Variants in PLEKHO2 observed in about 807,000 individuals in gnomAD.
PLEKHO2 encodes pleckstrin homology domain containing O2.
PLEKHO2 carries 20 observed loss-of-function variants against 32.7 expected under a neutral mutation model. The ratio of observed to expected loss-of-function variants is 0.61; its 90% CI spans 0.43 to 0.89. The LOEUF is 0.89. Among genes scored for constraint, PLEKHO2 ranks in the 40% least tolerant of loss-of-function variants. PLEKHO2 has a pLI of 0.00. For missense variants in PLEKHO2, 568 were observed against 621.2 expected (o/e 0.91, Z 0.91); for synonymous variants, 247 against 246.3 (o/e 1.00, Z -0.03).
At chr15:64,847,904 C>T (rs945019291) in intron 1 of PLEKHO2, among the ~76,000 whole-genome samples, 2 of 152,164 alleles carry the variant, frequency 1.3e-5, no homozygotes, top group Non-Finnish European at 2.9e-5. Flanking sequence ...AGGCAGATTG[C>T]CACTCAGCCT....
chr15:64,865,225 G>A lies in PLEKHO2; in HGVS notation c.810G>A (p.Leu270=). The change falls in exon 6 of 6, where the codon CTG becomes CTA. Residue 270 remains leucine, a synonymous_variant. Transcript: ENST00000323544. ...CCAACAGCGTCCTGCCTGACAAACTGAAGGTGAGCTGGGAGAACCCCAGCC... is the reference window on the plus strand; with the variant it reads ...CCAACAGCGTCCTGCCTGACAAACTAAAGGTGAGCTGGGAGAACCCCAGCC... The part of the protein sequence containing the change: ...QPPNSVLPDK[L]KVSWENPSPQ... 1 of 1,614,198 alleles carries A rather than the reference G, an allele frequency of 6.2e-7. No homozygotes were observed.
At chr15:64,855,877 C>T (rs912282904) in intron 3 of PLEKHO2, among the ~76,000 whole-genome samples, 4 of 152,160 alleles carry the variant, frequency 2.6e-5, no homozygotes, top group Admixed American at 6.5e-5. Flanking sequence ...CTGGTCTGGG[C>T]CTGCTGGAGG....
chr15:64,856,548 G>T (rs2084607351), intron 3 of PLEKHO2, among the ~76,000 whole-genome samples: 1 of 152,188 alleles, frequency 6.6e-6, no homozygotes. Flanking sequence ...ATCACCTTCA[G>T]AGAAGCCTGT....
intron 2 of PLEKHO2, among the ~76,000 whole-genome samples, chr15:64,853,820 T>A (rs1203743539): frequency 6.6e-6 from 1 of 152,218 alleles, no homozygotes; most frequent in Non-Finnish European, 1.5e-5. Flanking sequence ...CCTCCAGGCC[T>A]CATTCTTTCC....
In PLEKHO2 at chr15:64,859,923, C is replaced by G. The variant is rs146324018; in HGVS notation, c.309C>G (p.Thr103=). 2.5e-6 allele frequency: 4 copies of G among 1,614,152 alleles called. No homozygotes were observed. Among genetic ancestry groups the G allele is most frequent in the South Asian group, 1.1e-5 (1 of 91,080 alleles). The change falls in exon 4 of 6, where the codon ACC becomes ACG. Residue 103 remains threonine (T), a synonymous_variant. Transcript: ENST00000323544. ...KVSDIKFQAP[T]GEEKESWIKA... Reference sequence around the variant, plus strand: ...GCGACATCAAATTCCAGGCACCCACCGGGGAGGAGAAGGAATCCTGGATCA... The same window carrying G: ...GCGACATCAAATTCCAGGCACCCACGGGGGAGGAGAAGGAATCCTGGATCA...
intron 5 of PLEKHO2, 72 bp from the exon 6 acceptor site, chr15:64,864,826 TC>T (rs2084669276): frequency 2.7e-6 from 4 of 1,496,878 alleles, no homozygotes; most frequent in Non-Finnish European, 3.6e-6. Context: ...GGGTAAGAAC[TC>T]GTGTCAGTGG....
intron 3 of PLEKHO2, among the ~76,000 whole-genome samples, chr15:64,859,674 G>T (rs529311409): frequency 1.5e-3 from 233 of 152,354 alleles, no homozygotes; most frequent in African/African-American, 5.3e-3. Flanking sequence ...TTTCCACAAG[G>T]CCAGGCTGAT....
intron 1 of PLEKHO2, among the ~76,000 whole-genome samples, chr15:64,842,378 CTCTCTCTCTCTCTG>C (rs1555436431): frequency 0.064 from 1,457 of 22,668 alleles, 49 homozygotes; most frequent in African/African-American, 0.12. Context: ...GATCCTGACT[CTCTCTCTCTCTCTG>C]TGTGTGTGTG....
At chr15:64,844,527 T>C (rs1363151349) in intron 1 of PLEKHO2, among the ~76,000 whole-genome samples, 1 of 152,238 alleles carries the variant, frequency 6.6e-6, no homozygotes, top group Non-Finnish European at 1.5e-5. Flanking sequence ...GGCTCTGTCC[T>C]CTGCCAGCAG....
rs1325405844 is a variant in PLEKHO2, at chr15:64,851,845, T to C, written c.163-3076T>C. ...TTCGGGCCAGTGGCGGTCCAGTTAG[T>C]GGAGGCCTGTGGACACGGGGCAAGT... is the stretch of plus-strand genomic sequence containing the variant. On this transcript the variant is annotated intron_variant, in intron 2 of 5. Transcript: ENST00000323544. Among the ~76,000 whole-genome samples the C allele has an allele frequency of 5.3e-5, 8 of 152,032 alleles. No individual in the cohort carries two copies. The South Asian group carries it at 1.5e-3, about 28-fold the overall frequency.
At position 64,866,342 on chromosome 15, in the gene PLEKHO2, C is replaced by G; in HGVS notation, c.*454C>G. The stretch of plus-strand genomic sequence containing the variant: ...TATTCCTAGGCAAAGAGCCTCATGG[C>G]TAAGGCAGCCTCAAAGCCAGCCCCT... On this transcript the variant is annotated 3_prime_UTR_variant, in exon 6 of 6. Transcript: ENST00000323544. 2.2e-6 allele frequency: 1 copy of G among 457,512 alleles called. No individual in the cohort carries two copies. Among genetic ancestry groups the G allele is most frequent in the Non-Finnish European group, 4.4e-6 (1 of 227,838 alleles). The allele number at this position is 457,512 out of a possible 1,614,324, so 28.3% of individuals were successfully genotyped here.
At chr15:64,853,499 T>A (rs2084585721) in intron 2 of PLEKHO2, among the ~76,000 whole-genome samples, 1 of 152,014 alleles carries the variant, frequency 6.6e-6, no homozygotes, top group South Asian at 2.1e-4. Flanking sequence ...TTTCACTGTG[T>A]TGGCCAGTAT....
chr15:64,858,004 G>A (rs2084616800), intron 3 of PLEKHO2, among the ~76,000 whole-genome samples: 1 of 152,218 alleles, frequency 6.6e-6, no homozygotes, highest in Non-Finnish European at 1.5e-5. Flanking sequence ...CTCTGAGCCT[G>A]TGAATAGGAG....
intron 2 of PLEKHO2, among the ~76,000 whole-genome samples, chr15:64,851,974 C>T (rs1330987102): frequency 6.6e-6 from 1 of 152,080 alleles, no homozygotes; most frequent in Non-Finnish European, 1.5e-5. Context: ...ATAAGGCACT[C>T]AGAAAACTGG....
chr15:64,860,006 G>A lies in PLEKHO2; in HGVS notation c.384+8G>A. 1 of 1,611,540 alleles carries A rather than the reference G, an allele frequency of 6.2e-7. No homozygotes were observed. Among genetic ancestry groups the A allele is most frequent in the East Asian group, 2.2e-5 (1 of 44,868 alleles). On this transcript the variant is annotated splice_region_variant and intron_variant, in intron 4 of 5. Transcript: ENST00000323544. The stretch of plus-strand genomic sequence containing the variant: ...AACAAGGCTTTCGATGAGGTGCGAT[G>A]CAGTCTGTGGACATGGACAGCTCTG...
intron 3 of PLEKHO2, 55 bp from the exon 4 acceptor site, chr15:64,859,839 C>T (rs2084630333): frequency 6.7e-7 from 1 of 1,486,472 alleles, no homozygotes; most frequent in Non-Finnish European, 9.4e-7. Context: ...CCTTAAGATG[C>T]CAAATGTGAG....
chr15:64,848,493 GTACT>G, intron 1 of PLEKHO2, 96 bp from the exon 2 acceptor site: 1 of 1,362,034 alleles, frequency 7.3e-7, no homozygotes, highest in Non-Finnish European at 1.0e-6. Context: ...ATGTCATTAG[GTACT>G]TAGCCTAGGG....
chr15:64,866,198 TG>T lies in PLEKHO2; in HGVS notation c.*315del, dbSNP rs370817288. On this transcript the variant is annotated 3_prime_UTR_variant, in exon 6 of 6. Transcript: ENST00000323544. ...GTCGTTCCAAACTGCCCCAGGGCTT[TG>T]GGGGCGGCACTTGGGGTTTCTGGGA... 7.7e-3 allele frequency: 3,826 copies of T among 495,856 alleles called. 25 individuals are homozygous for T. The highest frequency in any genetic ancestry group is 0.012 in the Non-Finnish European group (3,047 of 263,852). 30.7% of individuals were successfully genotyped at this position (495,856 alleles called of 1,614,324 possible).
intron 5 of PLEKHO2, among the ~76,000 whole-genome samples, chr15:64,863,681 C>T (rs2084660475): frequency 6.6e-6 from 1 of 151,420 alleles, no homozygotes; most frequent in Non-Finnish European, 1.5e-5. Flanking sequence ...GTCCCAGCTA[C>T]TCTGGAGGCT....
Sources: allele counts gnomAD v4.1 joint callset (sites outside exome capture counted in the v4.1 genomes callset), GRCh38; gene constraint gnomAD v4.1.1; transcripts MANE v1.5; gene names NCBI Gene and HGNC (gene_info 2026-07-23, HGNC 2026-07-21).